The following DNAAF11 variants were observed in gnomAD, a reference collection of about 807,000 sequenced individuals.
DNAAF11 encodes the protein leucine rich repeat containing 6.
In DNAAF11, 45 loss-of-function variants were observed where a neutral mutation model predicts 60.8. The ratio of observed to expected loss-of-function variants is 0.74; its 90% confidence interval spans 0.58 to 0.95. The LOEUF (loss-of-function observed/expected upper bound fraction) is 0.95, where lower values mean the gene tolerates loss of function less well. Among genes scored for constraint, DNAAF11 ranks in the 40% least tolerant of loss-of-function variants. The pLI is 0.00. For synonymous variants in DNAAF11, 191 were observed against 183.5 expected (o/e 1.04, Z -0.33); for missense variants, 546 against 546.2 (o/e 1.00, Z 0.00).
chr8:132,681,318 C>CTTTTTTTTTTTTTTTT, the DNAAF11 span, among the ~76,000 whole-genome samples: 1 of 129,104 alleles, frequency 7.7e-6, no homozygotes, highest in African/African-American at 3.0e-5. Context: ...CCAACCATTC[C>CTTTTTTTTTTTTTTTT]TTTTTTTTTT....
At chr8:132,666,950 G>A (rs1824695222) in intron 1 of DNAAF11, among the ~76,000 whole-genome samples, 1 of 152,172 alleles carries the variant, frequency 6.6e-6, no homozygotes, top group Non-Finnish European at 1.5e-5. Context: ...GAATGGGGCA[G>A]ATAAAAGACA....
intron 8 of DNAAF11, among the ~76,000 whole-genome samples, chr8:132,612,791 C>A (rs76902510): frequency 1.3e-5 from 2 of 152,190 alleles, no homozygotes; most frequent in East Asian, 3.9e-4. Flanking sequence ...CACCTATGTG[C>A]CCATAAAGAT....
intron 10 of DNAAF11, among the ~76,000 whole-genome samples, chr8:132,595,732 A>C (rs972905019): frequency 4.6e-5 from 7 of 152,170 alleles, no homozygotes; most frequent in African/African-American, 1.7e-4. Context: ...TCATAATTTC[A>C]TAATAGGAAA....
chr8:132,675,718 A>G, upstream of DNAAF11: 1 of 425,168 alleles, frequency 2.4e-6, no homozygotes, highest in Non-Finnish European at 4.2e-6. Flanking sequence ...GGGTTCCCCA[A>G]CCCAAACCCA....
At chr8:132,675,435 T>C (rs1449591944) in intron 1 of DNAAF11, 49 bp downstream of exon 1, 3 of 1,546,116 alleles carry the variant, frequency 1.9e-6, no homozygotes, top group Non-Finnish European at 2.6e-6. Context: ...GACCCGGGAC[T>C]ACTTCCACAA....
intron 3 of DNAAF11, among the ~76,000 whole-genome samples, chr8:132,645,547 G>A (rs1822294199): frequency 1.3e-5 from 2 of 152,278 alleles, no homozygotes; most frequent in Middle Eastern, 3.4e-3. Flanking sequence ...AATTCTCTGA[G>A]CTAAAGGAGG....
At chr8:132,648,937 A>G (rs1331806962) in intron 3 of DNAAF11, among the ~76,000 whole-genome samples, 2 of 152,256 alleles carry the variant, frequency 1.3e-5, no homozygotes, top group Non-Finnish European at 2.9e-5. Flanking sequence ...CATACTGCCC[A>G]AGGCAATTTA....
chr8:132,656,884 GT>G lies in DNAAF11; in HGVS notation c.201del (p.Lys67AsnfsTer5). 1 of 1,378,538 alleles carries G rather than the reference GT, an allele frequency of 7.3e-7. No homozygotes were observed. Among genetic ancestry groups the G allele is most frequent in the Non-Finnish European group, 1.0e-6 (1 of 986,526 alleles). The allele number at this position is 1,378,538 out of a possible 1,614,324, so 85.4% of individuals were successfully genotyped here. A position where few individuals can be genotyped will look rare whatever the true frequency, so the allele number is the denominator to read the frequency against. ...GKIENVSKLKKLEYLNLALNN... is the reference protein window; with the variant it reads ...GKIENVSKLKXLEYLNLALNN... ...TTTAAAGCTAAATTCAAATATTCAA[GT>G]TTCTTGAGTTTGCTAACATTTTCTG... is the stretch of plus-strand genomic sequence containing the variant. On this transcript the variant is annotated frameshift_variant, in exon 3 of 12. Transcript: ENST00000620350. LOFTEE classifies it high-confidence loss of function.
At chr8:132,575,363 T>G (rs1440024718) in intron 11 of DNAAF11, among the ~76,000 whole-genome samples, 1 of 152,162 alleles carries the variant, frequency 6.6e-6, no homozygotes, top group Non-Finnish European at 1.5e-5. Context: ...AGGAAAAGGG[T>G]GGCATCAGTC....
rs1041269344 is a variant in DNAAF11 at position 132,571,485 on chromosome 8, G to C, written c.*821C>G. Reference sequence around the variant, plus strand: ...GAAGGAAATAGAGGAGAAGGAGTGGGATGGGGAGTAAAAAGGTGAAGAAAA... The same window carrying C: ...GAAGGAAATAGAGGAGAAGGAGTGGCATGGGGAGTAAAAAGGTGAAGAAAA... On this transcript the variant is annotated 3_prime_UTR_variant, in exon 12 of 12. Transcript: ENST00000620350. 2.0e-5 allele frequency among the ~76,000 whole-genome samples: 3 copies of C among 152,024 alleles called. No homozygotes were observed. Among genetic ancestry groups the C allele is most frequent in the African/African-American group, 7.3e-5 (3 of 41,360 alleles).
chr8:132,663,833 A>G (rs1824363064), intron 1 of DNAAF11, among the ~76,000 whole-genome samples: 1 of 152,242 alleles, frequency 6.6e-6, no homozygotes, highest in African/African-American at 2.4e-5. Context: ...GACATCAGGT[A>G]CATATCCCAA....
At chr8:132,692,901 G>A in the DNAAF11 span, among the ~76,000 whole-genome samples, 2 of 152,202 alleles carry the variant, frequency 1.3e-5, no homozygotes, top group South Asian at 2.1e-4. Context: ...TACAACACAT[G>A]AGCTTATTAT....
rs1477084842 is a variant in DNAAF11 at position 132,572,045 on chromosome 8, G to C, written c.*261C>G. 1 of 334,404 alleles carries C rather than the reference G, an allele frequency of 3.0e-6. No homozygotes were observed. Among genetic ancestry groups the C allele is most frequent in the Non-Finnish European group, 5.4e-6 (1 of 186,286 alleles). 20.7% of individuals were successfully genotyped at this position (334,404 alleles called of 1,614,324 possible). ...ACAGTATTTATAATCAGTGTTTTATGCAATAGTTCTATGATCTTACTAAAC... is the reference window on the plus strand; with the variant it reads ...ACAGTATTTATAATCAGTGTTTTATCCAATAGTTCTATGATCTTACTAAAC... On this transcript the variant is annotated 3_prime_UTR_variant, in exon 12 of 12. Coordinates refer to ENST00000620350, the MANE Select transcript of DNAAF11 (RefSeq NM_012472.6).
intron 7 of DNAAF11, among the ~76,000 whole-genome samples, chr8:132,619,794 T>C (rs1819575984): frequency 6.6e-6 from 1 of 152,126 alleles, no homozygotes; most frequent in African/African-American, 2.4e-5. Flanking sequence ...AGAGAACTAG[T>C]GCAGAAGACC....
chr8:132,695,613 G>C, the DNAAF11 span, among the ~76,000 whole-genome samples: 2 of 152,150 alleles, frequency 1.3e-5, no homozygotes, highest in African/African-American at 4.8e-5. Flanking sequence ...GCTTTGAGGA[G>C]AGAGGATAAG....
At chr8:132,675,629 G>A (rs1037833013), upstream of DNAAF11, 7 of 904,450 alleles carry the variant, frequency 7.7e-6, no homozygotes, top group African/African-American at 3.5e-5. Flanking sequence ...CGGCGGCCGC[G>A]CGGGACCAAA....
At chr8:132,628,355 T>C (rs1158487965) in intron 5 of DNAAF11, among the ~76,000 whole-genome samples, 8 of 151,852 alleles carry the variant, frequency 5.3e-5, no homozygotes. Context: ...GAGATTGCGG[T>C]GAGCCGAGAT....
chr8:132,641,435 A>T (rs74544305), intron 3 of DNAAF11, among the ~76,000 whole-genome samples: 2,892 of 152,268 alleles, frequency 0.019, 105 homozygotes, highest in African/African-American at 0.066. Flanking sequence ...GAAGAGGGGA[A>T]GATTGGCTTG....
In DNAAF11 at chr8:132,661,540, A is replaced by G. The variant is rs376498462; in HGVS notation, c.98T>C (p.Ile33Thr). The G allele has an allele frequency of 1.4e-5, 22 of 1,613,760 alleles. No individual in the cohort carries two copies. The African/African-American group carries it at 2.7e-4, about 20-fold the overall frequency. Reference protein sequence around the residue: ...LEELSLHQQEIERLEHIDKWC... With the variant: ...LEELSLHQQETERLEHIDKWC... ...TTTATCAATGTGTTCTAGTCTTTCT[A>G]TTTCTTGCTGATGCAACGAGAGTTC... The change falls in exon 2 of 12, where the codon ATA becomes ACA. Residue 33 changes from isoleucine to threonine, a missense_variant. Coordinates refer to ENST00000620350, the MANE Select transcript of DNAAF11 (RefSeq NM_012472.6).
Sources: allele counts gnomAD v4.1 joint callset (sites outside exome capture counted in the v4.1 genomes callset), GRCh38; gene constraint gnomAD v4.1.1; transcripts MANE v1.5; gene names NCBI Gene and HGNC (gene_info 2026-07-23, HGNC 2026-07-21).